ARMH4: variants seen among roughly 807,000 people sequenced by gnomAD.
The protein encoded by ARMH4 is armadillo like helical domain containing 4.
ARMH4 carries 49 observed loss-of-function variants against 61.9 expected under a neutral mutation model. The ratio of observed to expected loss-of-function variants is 0.79; its 90% CI spans 0.63 to 1.00. The LOEUF is 1.00. Ranked by LOEUF, ARMH4 falls within the 50% of genes least tolerant of loss-of-function variation. The probability of loss-of-function intolerance (pLI) is 0.00; values close to 1 mark genes in which losing one functional copy is unlikely to be tolerated. For missense variants in ARMH4, 934 were observed against 930.0 expected (o/e 1.00, Z -0.06); for synonymous variants, 368 against 341.5 (o/e 1.08, Z -0.85).
At chr14:58,070,602 G>A (rs2141227020) in intron 5 of ARMH4, among the ~76,000 whole-genome samples, 2 of 152,286 alleles carry the variant, frequency 1.3e-5, no homozygotes, top group Middle Eastern at 6.8e-3. Context: ...GAAGAACTGT[G>A]TACAATTAGG....
intron 5 of ARMH4, among the ~76,000 whole-genome samples, chr14:58,048,682 A>G (rs917928537): frequency 6.6e-6 from 1 of 152,332 alleles, no homozygotes; most frequent in Admixed American, 6.5e-5. Context: ...CAGGAAGGAA[A>G]AAAACAAAGA....
rs149569515 is a variant in ARMH4, at chr14:58,076,985, G to A, written c.2089+19739C>T. On this transcript the variant is annotated intron_variant, in intron 5 of 7. Transcript: ENST00000267485. Reference sequence around the variant, plus strand: ...CCTCTACCCGGCCAGCAGCAGTGATGTCTGCCTATACCATAATCTTGCTTA... The same window carrying A: ...CCTCTACCCGGCCAGCAGCAGTGATATCTGCCTATACCATAATCTTGCTTA... Among the ~76,000 whole-genome samples the A allele has an allele frequency of 2.0e-5, 3 of 152,304 alleles. No homozygotes were observed. The East Asian group carries it at 5.8e-4, about 29-fold the overall frequency.
chr14:58,132,956 GGTGTGT>G, intron 3 of ARMH4, 128 bp downstream of exon 3: 2 of 837,372 alleles, frequency 2.4e-6, no homozygotes, highest in Non-Finnish European at 3.8e-6. Context: ...TCCAGGTAAA[GGTGTGT>G]GTGTGTGTGT....
At chr14:58,042,814 C>T (rs1341309590) in intron 5 of ARMH4, among the ~76,000 whole-genome samples, 1 of 152,180 alleles carries the variant, frequency 6.6e-6, no homozygotes, top group Non-Finnish European at 1.5e-5. Context: ...ATACAATAAA[C>T]ACCTCTACAC....
intron 4 of ARMH4, among the ~76,000 whole-genome samples, chr14:58,109,422 CAT>C (rs531880621): frequency 6.5e-4 from 99 of 152,332 alleles, no homozygotes; most frequent in African/African-American, 2.0e-3. Flanking sequence ...ATTTTCGTCA[CAT>C]GTCAAGGACC....
chr14:58,043,768 A>C (rs1306157614), intron 5 of ARMH4, among the ~76,000 whole-genome samples: 1 of 152,244 alleles, frequency 6.6e-6, no homozygotes, highest in African/African-American at 2.4e-5. Context: ...GTTAGGATAC[A>C]AAATCAATGT....
At chr14:58,092,243 T>C (rs1427014666) in intron 5 of ARMH4, among the ~76,000 whole-genome samples, 1 of 152,156 alleles carries the variant, frequency 6.6e-6, no homozygotes, top group Middle Eastern at 3.2e-3. Flanking sequence ...CATTTAAAAA[T>C]AGGAATGAAG....
rs1340137427 is a variant in ARMH4 at position 58,004,565 on chromosome 14, C to T, written c.*171G>A. 3.4e-6 allele frequency: 2 copies of T among 582,252 alleles called. No individual in the cohort carries two copies. The highest frequency in any genetic ancestry group is 2.8e-5 in the Admixed American group (1 of 35,668). 36.1% of individuals were successfully genotyped at this position (582,252 alleles called of 1,614,324 possible). A position where few individuals can be genotyped will look rare whatever the true frequency, so the allele number is the denominator to read the frequency against. On this transcript the variant is annotated 3_prime_UTR_variant, in exon 8 of 8. Transcript: ENST00000267485. ...ACTGCATGATACGTTTAGTATACAA[C>T]ATGCCATTTCTGCTCAGTACAAGAA...
Position 58,012,100 on chromosome 14 carries a change from A to G in ARMH4, c.2121+19T>C. 1 of 1,469,408 alleles carries G rather than the reference A, an allele frequency of 6.8e-7. No homozygotes were observed. Among genetic ancestry groups the G allele is most frequent in the South Asian group, 1.2e-5 (1 of 80,522 alleles). 91.0% of individuals were successfully genotyped at this position (1,469,408 alleles called of 1,614,324 possible). Reference sequence around the variant, plus strand: ...TATGCCCCTAAAAATAAACCAATGGAAGAAAATACTTTTCTTACCTTGTCT... The same window carrying G: ...TATGCCCCTAAAAATAAACCAATGGGAGAAAATACTTTTCTTACCTTGTCT... On this transcript the variant is annotated intron_variant, in intron 6 of 7. Transcript: ENST00000267485.
At position 58,120,191 on chromosome 14, in the gene ARMH4, A is replaced by G. The variant is rs191171643; in HGVS notation, c.1831+11321T>C. Among the ~76,000 whole-genome samples, 17 of 152,320 alleles carry G rather than the reference A, an allele frequency of 1.1e-4. No individual in the cohort carries two copies. The East Asian group carries it at 3.1e-3, about 28-fold the overall frequency. ...TGTAGGCAACTGTAACACAATGGTA[A>G]GTATTTGTGTATCTAAACATAGAAA... On this transcript the variant is annotated intron_variant, in intron 4 of 7. Transcript: ENST00000267485.
In ARMH4 at chr14:58,096,819, T is replaced by G; in HGVS notation, c.1994A>C (p.Glu665Ala). Residue 665 changes from glutamate (E) to alanine (A), a missense_variant, in exon 5 of 8, where the codon GAA becomes GCA. Glu to Ala is a moderately radical substitution (Grantham distance 107, BLOSUM62 -1). Transcript: ENST00000267485. ...CATGTTTCCCTCCTCTAAGCCTGGT[T>G]CCTGGGATGTGATACCAGGGAGGGT... ...GFTLPGITSQ[E>A]PGLEEGNMDL... 6.2e-7 allele frequency: 1 copy of G among 1,614,132 alleles called. No homozygotes were observed. Among genetic ancestry groups the G allele is most frequent in the Non-Finnish European group, 8.5e-7 (1 of 1,180,012 alleles).
At chr14:58,127,895 A>G (rs561357415) in intron 4 of ARMH4, among the ~76,000 whole-genome samples, 1 of 152,304 alleles carries the variant, frequency 6.6e-6, no homozygotes, top group South Asian at 2.1e-4. Flanking sequence ...ACTTAATCAC[A>G]AGATCTGAGA....
intron 1 of ARMH4, among the ~76,000 whole-genome samples, chr14:58,143,441 G>C (rs1887629723): frequency 6.6e-6 from 1 of 152,068 alleles, no homozygotes; most frequent in East Asian, 1.9e-4. Context: ...ATTACATGCT[G>C]GTAGCTAGCA....
intron 5 of ARMH4, among the ~76,000 whole-genome samples, chr14:58,052,895 C>A (rs967553750): frequency 2.0e-5 from 3 of 152,082 alleles, no homozygotes; most frequent in African/African-American, 4.8e-5. Flanking sequence ...CCCTACTCTT[C>A]CCCTAACTCA....
chr14:58,096,346 C>T (rs566956077), intron 5 of ARMH4, among the ~76,000 whole-genome samples: 15 of 152,304 alleles, frequency 9.8e-5, no homozygotes, highest in Non-Finnish European at 1.9e-4. Context: ...ATCCTGGTTA[C>T]ACGTATCTCC....
intron 3 of ARMH4, among the ~76,000 whole-genome samples, chr14:58,132,387 C>T (rs1887138208): frequency 6.6e-6 from 1 of 152,070 alleles, no homozygotes; most frequent in African/African-American, 2.4e-5. Flanking sequence ...AGTTAAGAAA[C>T]TTAGCTTGAG....
intron 4 of ARMH4, among the ~76,000 whole-genome samples, chr14:58,098,293 A>G (rs1885830236): frequency 6.6e-6 from 1 of 152,180 alleles, no homozygotes; most frequent in Non-Finnish European, 1.5e-5. Flanking sequence ...ACTTTGTAGG[A>G]TTAATGTCTG....
intron 5 of ARMH4, among the ~76,000 whole-genome samples, chr14:58,054,375 G>C (rs1200405632): frequency 1.3e-5 from 2 of 152,180 alleles, no homozygotes; most frequent in Admixed American, 1.3e-4. Context: ...GATGGGAAAG[G>C]CTTTGAAGTC....
At chr14:58,120,953 T>A (rs933328737) in intron 4 of ARMH4, among the ~76,000 whole-genome samples, 2 of 152,134 alleles carry the variant, frequency 1.3e-5, no homozygotes, top group Non-Finnish European at 2.9e-5. Flanking sequence ...CAGAGTCAAG[T>A]TGGAAAGTAA....
Sources: gnomAD v4.1 joint callset for allele counts (sites outside exome capture counted in the v4.1 genomes callset) on GRCh38, gnomAD v4.1.1 for gene constraint, MANE v1.5 for transcripts, NCBI Gene and HGNC (gene_info 2026-07-23, HGNC 2026-07-21) for gene names.